The following IGSF21 variants were observed in gnomAD, a reference collection of about 807,000 sequenced individuals.
IGSF21 encodes the protein immunoglobin superfamily member 21.
IGSF21 carries 28 observed loss-of-function variants against 46.8 expected under a neutral mutation model. The ratio of observed to expected loss-of-function variants is 0.60; its 90% confidence interval spans 0.44 to 0.82. The LOEUF (loss-of-function observed/expected upper bound fraction) is 0.82, where lower values mean the gene tolerates loss of function less well. Ranked by LOEUF, IGSF21 falls within the 40% of genes least tolerant of loss-of-function variation. IGSF21 has a pLI of 0.00. For synonymous variants in IGSF21, 284 were observed against 273.6 expected (o/e 1.04, Z -0.38); for missense variants, 624 against 665.5 (o/e 0.94, Z 0.69).
intron 1 of IGSF21, among the ~76,000 whole-genome samples, chr1:18,215,936 C>T (rs1370256929): frequency 6.6e-6 from 1 of 152,162 alleles, no homozygotes; most frequent in African/African-American, 2.4e-5. Context: ...ATTTGTGCAG[C>T]ACACTCACTG....
At chr1:18,148,271 C>T (rs1301319026) in intron 1 of IGSF21, among the ~76,000 whole-genome samples, 1 of 151,784 alleles carries the variant, frequency 6.6e-6, no homozygotes, top group Non-Finnish European at 1.5e-5. Flanking sequence ...GCTGGGACTA[C>T]AGGCGCCCAC....
chr1:18,142,348 C>T lies in IGSF21; in HGVS notation c.70+34150C>T, dbSNP rs145420704. Among the ~76,000 whole-genome samples, 478 of 152,288 alleles carry T rather than the reference C, an allele frequency of 3.1e-3. 2 individuals carry two copies. Among genetic ancestry groups the T allele is most frequent in the African/African-American group, 0.011 (451 of 41,562 alleles). On this transcript the variant is annotated intron_variant, in intron 1 of 9. Coordinates refer to ENST00000251296, the MANE Select transcript of IGSF21 (RefSeq NM_032880.5). Reference sequence around the variant, plus strand: ...GGCCCAGAGTGGTCAATTAACTGGTCCAACCGGGATTAGAACTCAGGCCTC... The same window carrying T: ...GGCCCAGAGTGGTCAATTAACTGGTTCAACCGGGATTAGAACTCAGGCCTC...
chr1:18,180,418 G>C (rs74940157), intron 1 of IGSF21, among the ~76,000 whole-genome samples: 1,527 of 152,314 alleles, frequency 0.01, 21 homozygotes, highest in African/African-American at 0.034. Context: ...GGAGGTATTG[G>C]CCTTCTTCCA....
chr1:18,149,040 G>T (rs2086496608), intron 1 of IGSF21, among the ~76,000 whole-genome samples: 1 of 152,222 alleles, frequency 6.6e-6, no homozygotes, highest in African/African-American at 2.4e-5. Context: ...GCATCCCGGA[G>T]ACTCTGCCAG....
At chr1:18,153,369 A>T (rs896518821) in intron 1 of IGSF21, among the ~76,000 whole-genome samples, 2 of 152,200 alleles carry the variant, frequency 1.3e-5, no homozygotes, top group Admixed American at 6.5e-5. Flanking sequence ...CACTCCGCAG[A>T]GGAGGCCCCA....
At chr1:18,203,371 C>T (rs375222729) in intron 1 of IGSF21, among the ~76,000 whole-genome samples, 4 of 152,276 alleles carry the variant, frequency 2.6e-5, no homozygotes, top group East Asian at 3.9e-4. Context: ...TGCAGTGGCG[C>T]GATCTTGGCT....
At chr1:18,311,832 G>C (rs1557638197) in intron 3 of IGSF21, among the ~76,000 whole-genome samples, 1 of 152,122 alleles carries the variant, frequency 6.6e-6, no homozygotes, top group Non-Finnish European at 1.5e-5. Context: ...AGTGTGGGGG[G>C]AATAGCCCCC....
At chr1:18,131,444 G>A (rs1270410710) in intron 1 of IGSF21, among the ~76,000 whole-genome samples, 2 of 152,200 alleles carry the variant, frequency 1.3e-5, no homozygotes, top group Admixed American at 6.5e-5. Flanking sequence ...TGCTGGGCAA[G>A]TTACTTCACA....
intron 6 of IGSF21, among the ~76,000 whole-genome samples, chr1:18,371,055 A>G (rs1222409221): frequency 2.6e-5 from 4 of 152,342 alleles, no homozygotes; most frequent in South Asian, 4.1e-4. Context: ...TTATGACCCA[A>G]CGATTTCACT....
chr1:18,298,067 T>C (rs147328212), intron 3 of IGSF21, among the ~76,000 whole-genome samples: 41 of 152,248 alleles, frequency 2.7e-4, no homozygotes, highest in Non-Finnish European at 5.4e-4. Flanking sequence ...GTAGACGACA[T>C]GGCAAGTGCA....
At chr1:18,268,993 T>C (rs945515412) in intron 2 of IGSF21, among the ~76,000 whole-genome samples, 3 of 152,210 alleles carry the variant, frequency 2.0e-5, no homozygotes, top group African/African-American at 7.2e-5. Context: ...CAGGGCAATC[T>C]CTTTCCTGAG....
chr1:18,224,106 C>T (rs948525385), intron 1 of IGSF21, among the ~76,000 whole-genome samples: 10 of 152,232 alleles, frequency 6.6e-5, no homozygotes, highest in African/African-American at 2.4e-4. Context: ...CACCCACTCA[C>T]TCTCAGGATG....
At chr1:18,268,899 G>A (rs2124543483) in intron 2 of IGSF21, among the ~76,000 whole-genome samples, 1 of 152,260 alleles carries the variant, frequency 6.6e-6, no homozygotes, top group Middle Eastern at 3.4e-3. Flanking sequence ...TCTACAAGTT[G>A]AAACACATAT....
At chr1:18,187,896 G>A (rs979011090) in intron 1 of IGSF21, among the ~76,000 whole-genome samples, 1 of 152,166 alleles carries the variant, frequency 6.6e-6, no homozygotes, top group African/African-American at 2.4e-5. Context: ...CACTCAGAAT[G>A]TTTGTTAAAT....
intron 2 of IGSF21, 112 bp from the exon 3 acceptor site, chr1:18,291,754 G>A (rs1306646373): frequency 7.8e-7 from 1 of 1,283,160 alleles, no homozygotes; most frequent in Admixed American, 1.9e-5. Flanking sequence ...TCTCAGGATG[G>A]GGGCTGTCCT....
At chr1:18,148,217 G>A (rs904109738) in intron 1 of IGSF21, among the ~76,000 whole-genome samples, 7 of 136,314 alleles carry the variant, frequency 5.1e-5, no homozygotes, top group African/African-American at 1.6e-4. Context: ...TGCAAGCTCC[G>A]CCTCCTGGGT....
At chr1:18,221,232 C>G (rs920456656) in intron 1 of IGSF21, among the ~76,000 whole-genome samples, 27 of 152,112 alleles carry the variant, frequency 1.8e-4, no homozygotes, top group African/African-American at 6.0e-4. Flanking sequence ...CCATGGACCA[C>G]GGTGAAGTTA....
At chr1:18,177,397 G>GTGGGGATGGGGTCAGTGAGGTA (rs1557573393) in intron 1 of IGSF21, among the ~76,000 whole-genome samples, 716 of 32,322 alleles carry the variant, frequency 0.022, 12 homozygotes, top group East Asian at 0.052. Flanking sequence ...AGTGAGGTGT[G>GTGGGGATGGGGTCAGTGAGGTA]TGTGTGTGTG....
chr1:18,310,407 T>C lies in IGSF21; in HGVS notation c.305+18420T>C, dbSNP rs61518698. ...TTAGAATGTCAGGGAGATTTCTCTA[T>C]GTGGTTGCTCGTAGCAGTGGCTTGT... On this transcript the variant is annotated intron_variant, in intron 3 of 9. Transcript: ENST00000251296. Among the ~76,000 whole-genome samples, 248 of 152,326 alleles carry C rather than the reference T, an allele frequency of 1.6e-3. 1 individual carries two copies. Among genetic ancestry groups the C allele is most frequent in the African/African-American group, 5.8e-3 (242 of 41,576 alleles).
Sources: allele counts gnomAD v4.1 joint callset (sites outside exome capture counted in the v4.1 genomes callset), GRCh38; gene constraint gnomAD v4.1.1; transcripts MANE v1.5; gene names NCBI Gene and HGNC (gene_info 2026-07-23, HGNC 2026-07-21).